CBFB: variants seen among roughly 807,000 people sequenced by gnomAD.
CBFB encodes CBF-beta.
In CBFB, 9 loss-of-function variants were observed where a neutral mutation model predicts 30.4. The observed-to-expected ratio is 0.30, with a 90% CI of 0.18 to 0.52. CBFB has a LOEUF of 0.52. CBFB is among the 20% of genes least tolerant of loss of function. The pLI is 0.97. For missense variants in CBFB, 170 were observed against 244.0 expected (o/e 0.70, Z 2.02); for synonymous variants, 94 against 84.0 (o/e 1.12, Z -0.65).
rs946607002 is a variant in CBFB, at chr16:67,100,677, T to G, written c.*1899T>G. On this transcript the variant is annotated 3_prime_UTR_variant, in exon 6 of 6. Transcript: ENST00000412916. ...ATGATGATGGTACATTTTCCTCTAT[T>G]GTCTAGCTAAGGGCTTTCGGTCCAC... 1 of 219,764 alleles carries G rather than the reference T, an allele frequency of 4.6e-6. No homozygotes were observed. Among genetic ancestry groups the G allele is most frequent in the East Asian group, 6.7e-5 (1 of 14,880 alleles). 13.6% of individuals were successfully genotyped at this position (219,764 alleles called of 1,614,324 possible). A position where few individuals can be genotyped will look rare whatever the true frequency, so the allele number is the denominator to read the frequency against.
intron 5 of CBFB, among the ~76,000 whole-genome samples, chr16:67,083,515 C>T (rs1399436873): frequency 6.6e-6 from 1 of 152,000 alleles, no homozygotes; most frequent in Non-Finnish European, 1.5e-5. Context: ...AGGCTGGTCT[C>T]GGACTCCTGA....
rs1181902334 is a variant in CBFB at position 67,029,268 on chromosome 16, C to CGCGGGCGG, written c.-136_-129dup. ...TCAGACTCCCCGGAACGGGAGCCCACGCGGGCGGGCGCCTGAAACAAAGGG... is the reference window on the plus strand; with the variant it reads ...TCAGACTCCCCGGAACGGGAGCCCACGCGGGCGGGCGGGCGGGCGCCTGAAACAAAGGG... On this transcript the variant is annotated 5_prime_UTR_variant, in exon 1 of 6. Coordinates refer to ENST00000412916, the MANE Select transcript of CBFB (RefSeq NM_022845.3). 4 of 468,030 alleles carry CGCGGGCGG rather than the reference C, an allele frequency of 8.5e-6. No individual in the cohort carries two copies. Among genetic ancestry groups the CGCGGGCGG allele is most frequent in the Non-Finnish European group, 1.3e-5 (4 of 297,248 alleles). The allele number at this position is 468,030 out of a possible 1,614,324, so 29.0% of individuals were successfully genotyped here.
chr16:67,075,542 G>A (rs1046757283), intron 4 of CBFB, among the ~76,000 whole-genome samples: 1 of 151,486 alleles, frequency 6.6e-6, no homozygotes, highest in Admixed American at 6.6e-5. Context: ...TGCAAGCTGC[G>A]CATGCATATA....
rs754033760 is a variant in CBFB at position 67,055,667 on chromosome 16, T to C, written c.283-11015T>C. Among the ~76,000 whole-genome samples, 10 of 152,182 alleles carry C rather than the reference T, an allele frequency of 6.6e-5. 1 individual carries two copies. The highest frequency in any genetic ancestry group is 1.0e-4 in the Non-Finnish European group (7 of 68,028). ...CACCACACCCGGCCTCCAGACACTTTCTTTAGTTTTTCATTTTATGATTTC... is the reference window on the plus strand; with the variant it reads ...CACCACACCCGGCCTCCAGACACTTCCTTTAGTTTTTCATTTTATGATTTC... On this transcript the variant is annotated intron_variant, in intron 3 of 5. Transcript: ENST00000412916.
intron 4 of CBFB, among the ~76,000 whole-genome samples, chr16:67,079,528 T>C (rs926398387): frequency 6.6e-6 from 1 of 150,544 alleles, no homozygotes; most frequent in African/African-American, 2.4e-5. Flanking sequence ...TTTTTTTTTT[T>C]TTTTTTTTTT....
intron 3 of CBFB, among the ~76,000 whole-genome samples, chr16:67,062,061 G>A (rs1960926348): frequency 6.6e-6 from 1 of 151,994 alleles, no homozygotes; most frequent in Admixed American, 6.6e-5. Flanking sequence ...CTCATTTTCT[G>A]AAACCATTTA....
intron 5 of CBFB, among the ~76,000 whole-genome samples, chr16:67,096,943 A>T (rs940966401): frequency 1.7e-4 from 26 of 151,612 alleles, no homozygotes; most frequent in African/African-American, 5.6e-4. Flanking sequence ...AAAAAAAAAA[A>T]TACATCTGAG....
intron 3 of CBFB, among the ~76,000 whole-genome samples, chr16:67,041,714 G>C (rs1217604919): frequency 1.3e-5 from 2 of 150,768 alleles, no homozygotes; most frequent in Non-Finnish European, 2.9e-5. Flanking sequence ...GGTTAGGTTG[G>C]TTTAGCGCAT....
chr16:67,072,224 C>G (rs1183520385), intron 4 of CBFB, among the ~76,000 whole-genome samples: 3 of 151,494 alleles, frequency 2.0e-5, no homozygotes, highest in African/African-American at 7.3e-5. Context: ...TATTGCTAGC[C>G]CTAGAAAAAT....
chr16:67,029,301 C>T lies in CBFB; in HGVS notation c.-107C>T. ...GGCGCCTGAAACAAAGGGAAGCGGG[C>T]GTCCGGGCGCCGCGGGTGGGCGGTC... On this transcript the variant is annotated 5_prime_UTR_variant, in exon 1 of 6. Transcript: ENST00000412916. 1.5e-6 allele frequency: 1 copy of T among 685,692 alleles called. No individual in the cohort carries two copies. Among genetic ancestry groups the T allele is most frequent in the Non-Finnish European group, 2.1e-6 (1 of 484,810 alleles). The allele number at this position is 685,692 out of a possible 1,614,324, so 42.5% of individuals were successfully genotyped here.
intron 3 of CBFB, among the ~76,000 whole-genome samples, chr16:67,045,600 T>A (rs528134449): frequency 1.3e-5 from 2 of 152,196 alleles, no homozygotes; most frequent in Non-Finnish European, 2.9e-5. Flanking sequence ...ACATGGTAAA[T>A]GCACCTCTGA....
intron 4 of CBFB, among the ~76,000 whole-genome samples, chr16:67,072,984 A>T (rs938010538): frequency 6.6e-6 from 1 of 152,110 alleles, no homozygotes; most frequent in Non-Finnish European, 1.5e-5. Flanking sequence ...AAGCACTAGG[A>T]TTATAGGCAT....
intron 3 of CBFB, among the ~76,000 whole-genome samples, chr16:67,062,032 C>CA (rs1251371557): frequency 2.0e-5 from 3 of 151,942 alleles, no homozygotes; most frequent in Non-Finnish European, 4.4e-5. Context: ...AACTCCATCT[C>CA]AAAAAACAAA....
chr16:67,038,814 A>G (rs541651376), intron 3 of CBFB, among the ~76,000 whole-genome samples: 7 of 152,246 alleles, frequency 4.6e-5, no homozygotes, highest in Non-Finnish European at 5.9e-5. Flanking sequence ...GCTTTAGCCC[A>G]AAACTATTTT....
chr16:67,063,464 C>A (rs1391362763), intron 3 of CBFB, among the ~76,000 whole-genome samples: 1 of 151,646 alleles, frequency 6.6e-6, no homozygotes, highest in Non-Finnish European at 1.5e-5. Flanking sequence ...TTTTTTGAGA[C>A]AGAGTCTTGC....
chr16:67,046,924 C>G (rs1005551407), intron 3 of CBFB, among the ~76,000 whole-genome samples: 6 of 152,038 alleles, frequency 3.9e-5, no homozygotes, highest in African/African-American at 1.4e-4. Context: ...AAAGTATGCA[C>G]GTGAACAGTT....
At chr16:67,034,762 G>C (rs975282429) in intron 2 of CBFB, among the ~76,000 whole-genome samples, 1 of 152,190 alleles carries the variant, frequency 6.6e-6, no homozygotes, top group South Asian at 2.1e-4. Flanking sequence ...AAGCCACAGG[G>C]ATTTTGACAC....
At chr16:67,069,436 G>A (rs1213177686) in intron 4 of CBFB, among the ~76,000 whole-genome samples, 1 of 152,106 alleles carries the variant, frequency 6.6e-6, no homozygotes, top group Non-Finnish European at 1.5e-5. Flanking sequence ...AGACTAAATG[G>A]TAGATAAGAG....
At chr16:67,076,935 A>T (rs1280294239) in intron 4 of CBFB, among the ~76,000 whole-genome samples, 1 of 152,128 alleles carries the variant, frequency 6.6e-6, no homozygotes, top group East Asian at 1.9e-4. Context: ...AGCTTTGTCA[A>T]AATTCTGCAG....
Sources: gnomAD v4.1 joint callset for allele counts (sites outside exome capture counted in the v4.1 genomes callset) on GRCh38, gnomAD v4.1.1 for gene constraint, MANE v1.5 for transcripts, NCBI Gene and HGNC (gene_info 2026-07-23, HGNC 2026-07-21) for gene names.